Variants in RBM20 observed in about 807,000 individuals in gnomAD.
RBM20 encodes the protein RNA-binding protein 20.
RBM20 carries 51 observed loss-of-function variants against 110.1 expected under a neutral mutation model. That is an observed-to-expected ratio of 0.46 (90% CI 0.37 to 0.59). The LOEUF is 0.59. Among genes scored for constraint, RBM20 ranks in the 20% least tolerant of loss-of-function variants. The pLI is 0.00. For synonymous variants in RBM20, 589 were observed against 618.2 expected, an observed-to-expected ratio of 0.95 and a Z score of 0.70; for missense variants, 1,512 against 1,574.9, an observed-to-expected ratio of 0.96 and a Z score of 0.68.
chr10:110,729,748 CG>C (rs1413130138), intron 1 of RBM20, among the ~76,000 whole-genome samples: 1 of 152,182 alleles, frequency 6.6e-6, no homozygotes, highest in African/African-American at 2.4e-5. Flanking sequence ...GCCCTAGATG[CG>C]ATGTTGGAAT....
intron 1 of RBM20, among the ~76,000 whole-genome samples, chr10:110,760,629 C>T (rs1427629210): frequency 6.7e-5 from 10 of 149,520 alleles, no homozygotes; most frequent in Admixed American, 3.3e-4. Context: ...TTAGTAGAGA[C>T]GCAGGGTTTC....
rs60697105 is a variant in RBM20, at chr10:110,809,218, T to TAAAAAAAAAAAAAAAAA, written c.1801-1151_1801-1150insAAAAAAAAAAAAAAAAA. On this transcript the variant is annotated intron_variant, in intron 7 of 13. Transcript: ENST00000369519. Reference sequence around the variant, plus strand: ...AGTGACAGAGCAAGACCCCGTTTCTTAAAAAAAAAAAAAATTGCATGATTC... The same window carrying TAAAAAAAAAAAAAAAAA: ...AGTGACAGAGCAAGACCCCGTTTCTTAAAAAAAAAAAAAAAAAAAAAAAAAAAAAAATTGCATGATTC... Among the ~76,000 whole-genome samples the TAAAAAAAAAAAAAAAAA allele has an allele frequency of 3.5e-3, 210 of 60,618 alleles. 14 individuals carry two copies. Among genetic ancestry groups the TAAAAAAAAAAAAAAAAA allele is most frequent in the Middle Eastern group, 7.9e-3 (1 of 126 alleles). The allele number at this position is 60,618 out of a possible 152,430, so 39.8% of individuals were successfully genotyped here. A position where few individuals can be genotyped will look rare whatever the true frequency, so the allele number is the denominator to read the frequency against.
At chr10:110,802,382 G>GA (rs1201502178) in intron 7 of RBM20, among the ~76,000 whole-genome samples, 1 of 87,620 alleles carries the variant, frequency 1.1e-5, no homozygotes, top group African/African-American at 4.4e-5. Flanking sequence ...GCAGAACCTG[G>GA]CTTTTTTTTT....
chr10:110,690,283 G>A (rs1862568566), intron 1 of RBM20, among the ~76,000 whole-genome samples: 2 of 152,102 alleles, frequency 1.3e-5, no homozygotes, highest in African/African-American at 4.8e-5. Context: ...GTGTGTGCCT[G>A]TAGTTCCAGC....
At chr10:110,698,793 C>A (rs1470335958) in intron 1 of RBM20, among the ~76,000 whole-genome samples, 6 of 152,178 alleles carry the variant, frequency 3.9e-5, no homozygotes, top group Non-Finnish European at 8.8e-5. Flanking sequence ...TGTGACACTG[C>A]CTCCTTGAAA....
At chr10:110,806,412 C>T (rs888214158) in intron 7 of RBM20, among the ~76,000 whole-genome samples, 5 of 152,292 alleles carry the variant, frequency 3.3e-5, no homozygotes, top group Admixed American at 2.0e-4. Flanking sequence ...AAAGGGGAAG[C>T]AGACATGTCT....
chr10:110,828,883 A>T (rs1299996071), intron 12 of RBM20, among the ~76,000 whole-genome samples: 1 of 152,124 alleles, frequency 6.6e-6, no homozygotes, highest in Non-Finnish European at 1.5e-5. Context: ...GTTCAAGTGA[A>T]ATCGGTTCCA....
intron 1 of RBM20, among the ~76,000 whole-genome samples, chr10:110,774,993 T>C (rs1165387331): frequency 6.6e-6 from 1 of 152,220 alleles, no homozygotes; most frequent in East Asian, 1.9e-4. Flanking sequence ...AGAAAAATGG[T>C]TCAGAAGGAA....
chr10:110,831,226 G>A, intron 13 of RBM20, 44 bp downstream of exon 13: 28 of 1,542,346 alleles, frequency 1.8e-5, no homozygotes, highest in Non-Finnish European at 2.5e-5. Context: ...GGGCTCCCCA[G>A]TCTCCATAAC....
chr10:110,792,153 A>G (rs398046369), intron 5 of RBM20, among the ~76,000 whole-genome samples: 1,904 of 98,002 alleles, frequency 0.019, 43 homozygotes, highest in East Asian at 0.11. Flanking sequence ...CTATCTATCT[A>G]TCTATCTATC....
intron 1 of RBM20, among the ~76,000 whole-genome samples, chr10:110,708,127 G>A (rs1862869278): frequency 6.6e-6 from 1 of 152,228 alleles, no homozygotes. Flanking sequence ...CAGGTGATCT[G>A]TGCTGTCACA....
intron 1 of RBM20, among the ~76,000 whole-genome samples, chr10:110,682,443 A>C: frequency 6.6e-6 from 1 of 151,952 alleles, no homozygotes; most frequent in Non-Finnish European, 1.5e-5. Context: ...GCAACTACCC[A>C]CCTTTACTGT....
intron 1 of RBM20, among the ~76,000 whole-genome samples, chr10:110,757,895 G>A (rs987333503): frequency 6.6e-6 from 1 of 151,934 alleles, no homozygotes; most frequent in Admixed American, 6.5e-5. Context: ...TCTAACTCCA[G>A]AGTCATGGGA....
intron 1 of RBM20, among the ~76,000 whole-genome samples, chr10:110,738,222 A>T (rs1182426189): frequency 6.6e-6 from 1 of 152,094 alleles, no homozygotes; most frequent in African/African-American, 2.4e-5. Flanking sequence ...AAAGAAAAAC[A>T]GAGAGAGAGT....
At chr10:110,699,754 T>C (rs1429113214) in intron 1 of RBM20, among the ~76,000 whole-genome samples, 1 of 152,100 alleles carries the variant, frequency 6.6e-6, no homozygotes, top group South Asian at 2.1e-4. Context: ...TATATATATA[T>C]ACTATGTTTT....
intron 13 of RBM20, among the ~76,000 whole-genome samples, chr10:110,831,683 A>C (rs562777669): frequency 0.017 from 1,103 of 64,872 alleles, 18 homozygotes; most frequent in African/African-American, 0.044. Flanking sequence ...AAAAAAAAAA[A>C]AAAAAAAACA....
chr10:110,787,594 C>T (rs565742473), intron 5 of RBM20, among the ~76,000 whole-genome samples: 3 of 152,336 alleles, frequency 2.0e-5, no homozygotes, highest in East Asian at 1.9e-4. Flanking sequence ...TTTTGAGGTT[C>T]CCATGGATGT....
chr10:110,697,480 T>C (rs1002691841), intron 1 of RBM20, among the ~76,000 whole-genome samples: 8 of 152,266 alleles, frequency 5.3e-5, no homozygotes, highest in African/African-American at 1.9e-4. Context: ...GCACTAACTA[T>C]GAGCCAGGCC....
intron 1 of RBM20, among the ~76,000 whole-genome samples, chr10:110,754,436 TC>T (rs530152510): frequency 5.0e-4 from 76 of 152,248 alleles, no homozygotes; most frequent in African/African-American, 1.6e-3. Context: ...CTCATTCCCA[TC>T]CCCATTGTCC....
Sources: allele counts gnomAD v4.1 joint callset (sites outside exome capture counted in the v4.1 genomes callset), GRCh38; gene constraint gnomAD v4.1.1; transcripts MANE v1.5; gene names NCBI Gene and HGNC (gene_info 2026-07-23, HGNC 2026-07-21).